The following SLCO3A1 variants were observed in gnomAD, a reference collection of about 807,000 sequenced individuals.
The protein encoded by SLCO3A1 is solute carrier organic anion transporter family member 3A1.
SLCO3A1 carries 27 observed loss-of-function variants against 63.1 expected under a neutral mutation model. That is an observed-to-expected ratio of 0.43 (90% CI 0.32 to 0.59). SLCO3A1 has a LOEUF of 0.59. Among genes scored for constraint, SLCO3A1 ranks in the 20% least tolerant of loss-of-function variants. The pLI is 0.09. For synonymous variants in SLCO3A1, 473 were observed against 409.9 expected (o/e 1.15, Z -1.86); for missense variants, 773 against 945.8 (o/e 0.82, Z 2.40).
chr15:92,145,444 CGCTAGGAAAAGAT>C (rs1028006390), intron 7 of SLCO3A1, among the ~76,000 whole-genome samples: 6 of 152,118 alleles, frequency 3.9e-5, no homozygotes, highest in African/African-American at 1.4e-4. Flanking sequence ...CTCAGCTCTG[CGCTAGGAAAAGAT>C]GCTAGGGAAA....
At chr15:92,158,606 C>G (rs745684583) in intron 9 of SLCO3A1, among the ~76,000 whole-genome samples, 1 of 152,152 alleles carries the variant, frequency 6.6e-6, no homozygotes, top group Non-Finnish European at 1.5e-5. Context: ...TATGGGGAAC[C>G]AGCTCCTTGC....
intron 2 of SLCO3A1, among the ~76,000 whole-genome samples, chr15:92,075,349 C>G (rs978956945): frequency 2.0e-5 from 3 of 152,140 alleles, no homozygotes; most frequent in African/African-American, 7.2e-5. Context: ...AGGAGGTAAT[C>G]CAGCATGGTA....
chr15:92,152,095 AT>A (rs2048313195), intron 9 of SLCO3A1, among the ~76,000 whole-genome samples: 1 of 152,228 alleles, frequency 6.6e-6, no homozygotes, highest in Non-Finnish European at 1.5e-5. Flanking sequence ...ATATTTTTCC[AT>A]TTTATCAGAA....
At chr15:91,943,370 T>G (rs1450290812) in intron 2 of SLCO3A1, among the ~76,000 whole-genome samples, 1 of 152,244 alleles carries the variant, frequency 6.6e-6, no homozygotes, top group South Asian at 2.1e-4. Context: ...CTTCACTTAG[T>G]ATCATGTCCT....
At chr15:91,977,490 G>T (rs921624033) in intron 2 of SLCO3A1, among the ~76,000 whole-genome samples, 1 of 152,180 alleles carries the variant, frequency 6.6e-6, no homozygotes, top group Non-Finnish European at 1.5e-5. Context: ...TGTGCTCTAG[G>T]AAAGTGGGGT....
At chr15:92,027,295 A>G (rs2046586971) in intron 2 of SLCO3A1, among the ~76,000 whole-genome samples, 1 of 152,218 alleles carries the variant, frequency 6.6e-6, no homozygotes, top group Non-Finnish European at 1.5e-5. Context: ...ATCCTTGTGA[A>G]CTTTCTAAAC....
chr15:92,098,691 C>G (rs1358772877), intron 3 of SLCO3A1, among the ~76,000 whole-genome samples: 1 of 117,834 alleles, frequency 8.5e-6, no homozygotes, highest in Non-Finnish European at 1.9e-5. Flanking sequence ...AGTGTAGATC[C>G]TACTGTTAGG....
chr15:92,139,110 G>C (rs1003250120), intron 7 of SLCO3A1, among the ~76,000 whole-genome samples: 1 of 148,838 alleles, frequency 6.7e-6, no homozygotes, highest in African/African-American at 2.5e-5. Flanking sequence ...TTGGCTGTGG[G>C]TTTGTCATAG....
intron 2 of SLCO3A1, among the ~76,000 whole-genome samples, chr15:92,003,407 C>T (rs2046278148): frequency 6.6e-6 from 1 of 152,162 alleles, no homozygotes; most frequent in East Asian, 1.9e-4. Flanking sequence ...ATTCCTTTTG[C>T]TTATTAGTAC....
chr15:92,136,125 GA>G (rs1477534256), intron 7 of SLCO3A1, among the ~76,000 whole-genome samples: 1 of 152,122 alleles, frequency 6.6e-6, no homozygotes, highest in African/African-American at 2.4e-5. Context: ...AAAGGAAAGA[GA>G]AAAGAAATTT....
rs892539503 is a variant in SLCO3A1, at chr15:91,875,579, C to G, written c.180+21491C>G. Among the ~76,000 whole-genome samples the G allele has an allele frequency of 6.6e-6, 1 of 152,238 alleles. No individual in the cohort carries two copies. The highest frequency in any genetic ancestry group is 2.1e-4 in the South Asian group (1 of 4,834). Reference sequence around the variant, plus strand: ...GAAAGGAGTTACTGCCTGGGAAGCACTTGTGTGTGATAAGTCTTAGCCTCA... The same window carrying G: ...GAAAGGAGTTACTGCCTGGGAAGCAGTTGTGTGTGATAAGTCTTAGCCTCA... On this transcript the variant is annotated intron_variant, in intron 1 of 9. Transcript: ENST00000318445. The surrounding 1 kb of genome is among the most constrained non-coding windows in gnomAD (Gnocchi z 4.5).
chr15:91,917,138 C>T (rs904411202), intron 2 of SLCO3A1, among the ~76,000 whole-genome samples: 16 of 152,050 alleles, frequency 1.1e-4, no homozygotes, highest in Non-Finnish European at 1.9e-4. Context: ...TCAGTGGCTG[C>T]GGTGGGCTCT....
intron 2 of SLCO3A1, among the ~76,000 whole-genome samples, chr15:91,973,762 A>G (rs1900977797): frequency 6.6e-6 from 1 of 152,310 alleles, no homozygotes; most frequent in African/African-American, 2.4e-5. Context: ...ACCGGCATCC[A>G]CAACAAAGAA....
rs1900693772 is a variant in SLCO3A1 at position 91,967,260 on chromosome 15, TAA to T, written c.646+50803_646+50804del. On this transcript the variant is annotated intron_variant, in intron 2 of 9. Transcript: ENST00000318445. The surrounding 1 kb of genome is among the most constrained non-coding windows in gnomAD (Gnocchi z 4.4). Reference sequence around the variant, plus strand: ...TTCATTTAAAATATTAAAATGACAATAAGAGAGGTTTTTAGTTATCAGAGCAT... The same window carrying T: ...TTCATTTAAAATATTAAAATGACAATGAGAGGTTTTTAGTTATCAGAGCAT... Among the ~76,000 whole-genome samples the T allele has an allele frequency of 6.6e-6, 1 of 152,134 alleles. No homozygotes were observed. The highest frequency in any genetic ancestry group is 2.4e-5 in the African/African-American group (1 of 41,412).
intron 2 of SLCO3A1, among the ~76,000 whole-genome samples, chr15:92,080,562 C>T (rs1362357019): frequency 1.3e-5 from 2 of 152,056 alleles, no homozygotes; most frequent in South Asian, 2.1e-4. Flanking sequence ...TTTTGATGCA[C>T]CGCTAGGGCC....
At chr15:91,975,739 A>G (rs564086134) in intron 2 of SLCO3A1, among the ~76,000 whole-genome samples, 10 of 152,206 alleles carry the variant, frequency 6.6e-5, no homozygotes, top group African/African-American at 2.2e-4. Context: ...ACCTGTTCCT[A>G]TAACTATGAG....
intron 2 of SLCO3A1, among the ~76,000 whole-genome samples, chr15:92,031,033 A>AGGGG (rs2046641378): frequency 8.4e-5 from 2 of 23,710 alleles, no homozygotes; most frequent in African/African-American, 3.0e-4. Context: ...GGAGGGAGGG[A>AGGGG]GGGAGGGAGG....
At chr15:91,905,462 T>C (rs1043512017) in intron 1 of SLCO3A1, among the ~76,000 whole-genome samples, 9 of 152,202 alleles carry the variant, frequency 5.9e-5, no homozygotes, top group Non-Finnish European at 1.2e-4. Context: ...TAATGCAGTA[T>C]AAATGGTTCT....
intron 2 of SLCO3A1, among the ~76,000 whole-genome samples, chr15:91,986,834 C>T (rs1200855926): frequency 6.6e-6 from 1 of 152,144 alleles, no homozygotes; most frequent in East Asian, 1.9e-4. Context: ...GAAGATAGAA[C>T]ATATTTTAAG....
Sources: allele counts gnomAD v4.1 joint callset (sites outside exome capture counted in the v4.1 genomes callset), GRCh38; gene constraint gnomAD v4.1.1; non-coding constraint Gnocchi (gnomAD v3.1); transcripts MANE v1.5; gene names NCBI Gene and HGNC (gene_info 2026-07-23, HGNC 2026-07-21).